NALF1: variants seen among roughly 807,000 people sequenced by gnomAD.
The protein encoded by NALF1 is NALCN channel auxiliary factor 1.
In NALF1, 3 loss-of-function variants were observed where a neutral mutation model predicts 48.4. The ratio of observed to expected loss-of-function variants is 0.06; its 90% confidence interval spans 0.03 to 0.16. The LOEUF is 0.16. Ranked by LOEUF, NALF1 falls within the 10% of genes least tolerant of loss-of-function variation. NALF1 has a pLI of 1.00. For synonymous variants in NALF1, 262 were observed against 245.7 expected (o/e 1.07, Z -0.62); for missense variants, 526 against 571.5 (o/e 0.92, Z 0.81).
At chr13:107,402,034 A>G (rs1467005022) in intron 1 of NALF1, among the ~76,000 whole-genome samples, 1 of 152,132 alleles carries the variant, frequency 6.6e-6, no homozygotes, top group Non-Finnish European at 1.5e-5. Context: ...ATTCATGCCT[A>G]AGAGTAGTCC....
At chr13:107,743,523 C>T (rs1876697364) in intron 1 of NALF1, among the ~76,000 whole-genome samples, 1 of 152,220 alleles carries the variant, frequency 6.6e-6, no homozygotes, top group Non-Finnish European at 1.5e-5. Flanking sequence ...ACTGTACCTA[C>T]AAGAATCCGT....
intron 1 of NALF1, among the ~76,000 whole-genome samples, chr13:107,784,312 A>G (rs1479686226): frequency 6.6e-6 from 1 of 152,334 alleles, no homozygotes; most frequent in African/African-American, 2.4e-5. Flanking sequence ...GTAACTACTG[A>G]AACAAGCAAT....
intron 1 of NALF1, among the ~76,000 whole-genome samples, chr13:107,273,405 T>C (rs1388158986): frequency 6.6e-6 from 1 of 152,182 alleles, no homozygotes; most frequent in Non-Finnish European, 1.5e-5. Context: ...ATTTGCATGC[T>C]TTTTCTCTTG....
chr13:107,466,965 T>C (rs1244756403), intron 1 of NALF1, among the ~76,000 whole-genome samples: 1 of 152,192 alleles, frequency 6.6e-6, no homozygotes, highest in East Asian at 1.9e-4. Flanking sequence ...CTGTCAACTT[T>C]ATTTATTCTG....
chr13:107,444,049 T>A (rs1280093471), intron 1 of NALF1, among the ~76,000 whole-genome samples: 2 of 152,164 alleles, frequency 1.3e-5, no homozygotes, highest in African/African-American at 4.8e-5. Context: ...CTTTGATATG[T>A]CTAAGACAAA....
chr13:107,164,733 T>C lies in NALF1; in HGVS notation c.*5764A>G, dbSNP rs1436294718. 1 of 152,136 alleles carries C rather than the reference T, an allele frequency of 6.6e-6. No individual in the cohort carries two copies. The highest frequency in any genetic ancestry group is 6.5e-5 in the Admixed American group (1 of 15,278). The allele number at this position is 152,136 out of a possible 1,614,324, so 9.4% of individuals were successfully genotyped here. ...AGTTCTGTAATATATGTTAAGACTT[T>C]CAAACTGTATTGAAAATCTATTGAT... On this transcript the variant is annotated 3_prime_UTR_variant, in exon 3 of 3. Transcript: ENST00000375915.
At chr13:107,672,830 G>C (rs1397827883) in intron 1 of NALF1, among the ~76,000 whole-genome samples, 1 of 152,122 alleles carries the variant, frequency 6.6e-6, no homozygotes, top group African/African-American at 2.4e-5. Context: ...CCTGCGAACT[G>C]TGGACTTTGT....
At chr13:107,544,474 A>G (rs777946956) in intron 1 of NALF1, among the ~76,000 whole-genome samples, 2 of 152,218 alleles carry the variant, frequency 1.3e-5, no homozygotes, top group African/African-American at 2.4e-5. Flanking sequence ...AAACAAAATT[A>G]TATCTCAGAG....
rs535540378 is a variant in NALF1 at position 107,603,965 on chromosome 13, T to A, written c.915+261717A>T. Among the ~76,000 whole-genome samples, 36 of 152,274 alleles carry A rather than the reference T, an allele frequency of 2.4e-4. No homozygotes were observed. In the South Asian group the frequency reaches 7.5e-3, roughly 32 times the overall value. ...CACGTGCAGGAGGCTGTGTTTTAAC[T>A]CAAAGAATTTATTTTTAATTGAGGT... On this transcript the variant is annotated intron_variant, in intron 1 of 2. Transcript: ENST00000375915.
At chr13:107,642,973 T>C (rs1880201096) in intron 1 of NALF1, among the ~76,000 whole-genome samples, 2 of 152,024 alleles carry the variant, frequency 1.3e-5, no homozygotes, top group Non-Finnish European at 2.9e-5. Flanking sequence ...TGGATGAGGG[T>C]CACAGCACAT....
At chr13:107,566,534 C>A (rs745889714) in intron 1 of NALF1, among the ~76,000 whole-genome samples, 24 of 152,164 alleles carry the variant, frequency 1.6e-4, no homozygotes, top group Non-Finnish European at 2.8e-4. Flanking sequence ...CAACAAGAAG[C>A]AGGTCCAAGG....
intron 1 of NALF1, among the ~76,000 whole-genome samples, chr13:107,507,210 T>C (rs1754969265): frequency 6.6e-6 from 1 of 152,058 alleles, no homozygotes; most frequent in Non-Finnish European, 1.5e-5. Flanking sequence ...TGACCTAGGT[T>C]AGGCATTTTA....
intron 1 of NALF1, among the ~76,000 whole-genome samples, chr13:107,237,675 A>G (rs1356319713): frequency 6.6e-6 from 1 of 152,238 alleles, no homozygotes. Context: ...GCACAAATGC[A>G]ACCATCGTAG....
intron 1 of NALF1, among the ~76,000 whole-genome samples, chr13:107,597,891 T>A (rs1442715153): frequency 6.6e-6 from 1 of 152,164 alleles, no homozygotes; most frequent in Non-Finnish European, 1.5e-5. Context: ...AACCAAATTT[T>A]CATCTCTGTT....
At chr13:107,751,658 A>T (rs1876940443) in intron 1 of NALF1, among the ~76,000 whole-genome samples, 1 of 152,192 alleles carries the variant, frequency 6.6e-6, no homozygotes. Context: ...AAGGCCTATT[A>T]AGATACTACT....
chr13:107,291,765 GA>G (rs1308516618), intron 1 of NALF1, among the ~76,000 whole-genome samples: 1 of 151,814 alleles, frequency 6.6e-6, no homozygotes, highest in African/African-American at 2.4e-5. Flanking sequence ...TAAAAAATAA[GA>G]AAAACAGTTT....
At chr13:107,504,045 G>A (rs902064597) in intron 1 of NALF1, among the ~76,000 whole-genome samples, 2 of 151,662 alleles carry the variant, frequency 1.3e-5, no homozygotes, top group African/African-American at 4.8e-5. Context: ...CTTGAGGCCA[G>A]GAGTTTAAAC....
At chr13:107,695,503 C>A (rs1222155751) in intron 1 of NALF1, among the ~76,000 whole-genome samples, 6 of 152,032 alleles carry the variant, frequency 3.9e-5, no homozygotes, top group African/African-American at 1.2e-4. Flanking sequence ...TGGTTTTATA[C>A]CCAAATGATT....
At chr13:107,363,606 C>G (rs961944137) in intron 1 of NALF1, among the ~76,000 whole-genome samples, 2 of 151,988 alleles carry the variant, frequency 1.3e-5, no homozygotes, top group South Asian at 4.1e-4. Context: ...CTGTTTAAAT[C>G]AAAGCAGTAA....
Sources: allele counts gnomAD v4.1 joint callset (sites outside exome capture counted in the v4.1 genomes callset), GRCh38; gene constraint gnomAD v4.1.1; transcripts MANE v1.5; gene names NCBI Gene and HGNC (gene_info 2026-07-23, HGNC 2026-07-21).